The following MIOS variants were observed in gnomAD, a reference collection of about 807,000 sequenced individuals.
MIOS encodes the protein meiosis regulator for oocyte development, also known as GATOR2 complex protein MIOS.
In MIOS, 52 loss-of-function variants were observed where a neutral mutation model predicts 96.9. That is an observed-to-expected ratio of 0.54 (90% CI 0.43 to 0.68). MIOS has a LOEUF of 0.68. Ranked by LOEUF, MIOS falls within the 30% of genes least tolerant of loss-of-function variation. The pLI, the probability that MIOS is intolerant of heterozygous loss-of-function variation, is 0.00. For missense variants in MIOS, 1,005 were observed against 1,052.8 expected, an observed-to-expected ratio of 0.95 and a Z score of 0.63; for synonymous variants, 397 against 359.5, an observed-to-expected ratio of 1.10 and a Z score of -1.18.
In MIOS at chr7:7,600,018, G is replaced by A. The variant is rs549482873; in HGVS notation, c.2401+3557G>A. Among the ~76,000 whole-genome samples, 3 of 152,182 alleles carry A rather than the reference G, an allele frequency of 2.0e-5. No homozygotes were observed. In the East Asian group the frequency reaches 5.8e-4, roughly 29 times the overall value. ...GGAATAACAGACACCAGGGCTTACTGGAGGGTGCTAGGTGGGAGGAGGATC... is the reference window on the plus strand; with the variant it reads ...GGAATAACAGACACCAGGGCTTACTAGAGGGTGCTAGGTGGGAGGAGGATC... On this transcript the variant is annotated intron_variant, in intron 11 of 12. Coordinates refer to ENST00000340080, the MANE Select transcript of MIOS (RefSeq NM_019005.4).
In MIOS at chr7:7,605,803, T is replaced by C. The variant is rs1784513094; in HGVS notation, c.2402-139T>C. 3.6e-6 allele frequency: 3 copies of C among 835,984 alleles called. No individual in the cohort carries two copies. The East Asian group carries it at 8.3e-5, about 23-fold the overall frequency. The allele number at this position is 835,984 out of a possible 1,614,324, so 51.8% of individuals were successfully genotyped here. On this transcript the variant is annotated intron_variant, in intron 11 of 12. Coordinates refer to ENST00000340080, the MANE Select transcript of MIOS (RefSeq NM_019005.4). ...TCATTCAGTTTCGCTTCATCTAAAC[T>C]AGAACCTACCATCAAAATTGCTATT...
chr7:7,589,666 GA>G, intron 9 of MIOS, 103 bp downstream of exon 9: 1 of 1,306,072 alleles, frequency 7.7e-7, no homozygotes, highest in Non-Finnish European at 1.1e-6. Flanking sequence ...AGGATCTTTA[GA>G]AGGCATTTAG....
Position 7,583,306 on chromosome 7 carries a change from G to A in MIOS, c.1582G>A (p.Ala528Thr). Residue 528 changes from alanine (A) to threonine (T), a missense_variant, in exon 6 of 13, where the codon GCA becomes ACA. Physicochemically the swap from Ala to Thr is moderately conservative, Grantham distance 58. Around this residue, in one of 3 missense-constraint regions of MIOS, gnomAD observed 865 missense variants for 887.9 expected, o/e 0.97. Transcript: ENST00000340080. ...GGAATGGGAAAGAGCTGCTGCTGTG[G>A]CATTGTTCAACTTGGATATTCGCCG... is the stretch of plus-strand genomic sequence containing the variant. ...EGEWERAAAV[A>T]LFNLDIRRAI... The A allele has an allele frequency of 6.2e-7, 1 of 1,613,996 alleles. No individual in the cohort carries two copies. Among genetic ancestry groups the A allele is most frequent in the Non-Finnish European group, 8.5e-7 (1 of 1,179,926 alleles).
chr7:7,576,060 G>GT (rs1429648335), intron 5 of MIOS, among the ~76,000 whole-genome samples: 2 of 152,068 alleles, frequency 1.3e-5, no homozygotes, highest in African/African-American at 4.8e-5. Context: ...GAGCCATCTT[G>GT]TCCACAGTAA....
intron 9 of MIOS, among the ~76,000 whole-genome samples, chr7:7,593,463 A>G (rs1382613759): frequency 1.3e-5 from 2 of 152,024 alleles, no homozygotes; most frequent in Non-Finnish European, 2.9e-5. Context: ...TCACTTTTCT[A>G]TTGGCCCTCA....
intron 11 of MIOS, among the ~76,000 whole-genome samples, chr7:7,600,631 C>A (rs987190308): frequency 6.6e-6 from 1 of 152,106 alleles, no homozygotes; most frequent in Non-Finnish European, 1.5e-5. Flanking sequence ...GACTTTAACA[C>A]CCCACTGTCA....
intron 2 of MIOS, 102 bp from the exon 3 acceptor site, chr7:7,567,924 T>G (rs2115321227): frequency 6.6e-6 from 1 of 152,348 alleles, no homozygotes; most frequent in South Asian, 2.1e-4. Flanking sequence ...GTTGGCTAAA[T>G]AAAATGTGTT....
intron 9 of MIOS, 63 bp from the exon 10 acceptor site, chr7:7,594,917 C>G: frequency 7.6e-7 from 1 of 1,320,306 alleles, no homozygotes. Context: ...ACATGCTACC[C>G]AGAAGTCTCT....
intron 9 of MIOS, 53 bp downstream of exon 9, chr7:7,589,616 C>T (rs1783990692): frequency 3.2e-6 from 5 of 1,546,516 alleles, no homozygotes; most frequent in African/African-American, 1.4e-5. Flanking sequence ...TCTATATTTT[C>T]TTTCCTCAGT....
At chr7:7,580,602 C>T (rs1783680568) in intron 5 of MIOS, among the ~76,000 whole-genome samples, 1 of 151,720 alleles carries the variant, frequency 6.6e-6, no homozygotes, top group Non-Finnish European at 1.5e-5. Flanking sequence ...TTAGACTTGC[C>T]ACAGCCTAAA....
At chr7:7,590,657 T>C (rs1361366715) in intron 9 of MIOS, among the ~76,000 whole-genome samples, 2 of 152,242 alleles carry the variant, frequency 1.3e-5, no homozygotes, top group Non-Finnish European at 2.9e-5. Flanking sequence ...CCTACCTTAT[T>C]TTGGGTTAAT....
At chr7:7,589,132 A>G (rs964402255) in intron 8 of MIOS, among the ~76,000 whole-genome samples, 1 of 152,190 alleles carries the variant, frequency 6.6e-6, no homozygotes, top group Non-Finnish European at 1.5e-5. Flanking sequence ...AATAATGAGG[A>G]CAATTATCTT....
chr7:7,600,807 A>G (rs915174520), intron 11 of MIOS, among the ~76,000 whole-genome samples: 1 of 152,208 alleles, frequency 6.6e-6, no homozygotes, highest in Admixed American at 6.5e-5. Context: ...AATTGACCAC[A>G]TAGTTGGAAG....
intron 11 of MIOS, among the ~76,000 whole-genome samples, chr7:7,604,740 A>G (rs1784477386): frequency 6.6e-6 from 1 of 152,318 alleles, no homozygotes; most frequent in South Asian, 2.1e-4. Context: ...AGTGAGATAG[A>G]CCTTAATACT....
intron 3 of MIOS, among the ~76,000 whole-genome samples, chr7:7,570,042 G>A (rs917861759): frequency 2.1e-4 from 32 of 152,138 alleles, no homozygotes; most frequent in African/African-American, 7.5e-4. Flanking sequence ...AGGATAGCCT[G>A]GTCAAGGTTG....
intron 11 of MIOS, chr7:7,605,620 A>G (rs1784508041): frequency 4.9e-6 from 1 of 203,980 alleles, no homozygotes; most frequent in South Asian, 8.2e-5. Context: ...ATGTTAAGTA[A>G]AATTCACTTG....
intron 11 of MIOS, among the ~76,000 whole-genome samples, chr7:7,599,465 A>G (rs1160618058): frequency 4.6e-5 from 7 of 152,214 alleles, no homozygotes; most frequent in Admixed American, 4.6e-4. Context: ...CTTCTATCTG[A>G]AGGATATCTG....
At chr7:7,606,145 G>A (rs1373874309) in intron 12 of MIOS, 74 bp downstream of exon 12, 3 of 1,546,636 alleles carry the variant, frequency 1.9e-6, no homozygotes, top group Non-Finnish European at 2.6e-6. Flanking sequence ...AATAGTTTGG[G>A]TTTATCTATT....
At chr7:7,594,890 C>G in intron 9 of MIOS, 90 bp from the exon 10 acceptor site, 29 of 634,948 alleles carry the variant, frequency 4.6e-5, no homozygotes, top group East Asian at 8.1e-5. Context: ...CCTATTTCTT[C>G]TGTGTTACTC....
Sources: gnomAD v4.1 joint callset for allele counts (sites outside exome capture counted in the v4.1 genomes callset) on GRCh38, gnomAD v4.1.1 for gene constraint, gnomAD v4.1.1 regional missense constraint, MANE v1.5 for transcripts, NCBI Gene and HGNC (gene_info 2026-07-23, HGNC 2026-07-21) for gene names.